The following SPOCK1 variants were observed in gnomAD, a reference collection of about 807,000 sequenced individuals.
SPOCK1 encodes testican-1.
In SPOCK1, 23 loss-of-function variants were observed where a neutral mutation model predicts 55.3. That is an observed-to-expected ratio of 0.42 (90% CI 0.30 to 0.59). SPOCK1 has a LOEUF of 0.59. Among genes scored for constraint, SPOCK1 ranks in the 20% least tolerant of loss-of-function variants. SPOCK1 has a pLI of 0.22. For synonymous variants in SPOCK1, 226 were observed against 221.0 expected, an observed-to-expected ratio of 1.02 and a Z score of -0.20; for missense variants, 499 against 552.5, an observed-to-expected ratio of 0.90 and a Z score of 0.97.
At chr5:137,357,113 C>T (rs1246846768) in intron 2 of SPOCK1, among the ~76,000 whole-genome samples, 2 of 151,940 alleles carry the variant, frequency 1.3e-5, no homozygotes, top group African/African-American at 2.4e-5. Flanking sequence ...ATGGCTCCAT[C>T]TTCCCTATAG....
At chr5:137,066,963 T>TACAGAC (rs1554095748) in intron 6 of SPOCK1, among the ~76,000 whole-genome samples, 1 of 126,252 alleles carries the variant, frequency 7.9e-6, no homozygotes, top group Non-Finnish European at 1.6e-5. Context: ...AACATAAGCA[T>TACAGAC]ACACACACAC....
intron 2 of SPOCK1, among the ~76,000 whole-genome samples, chr5:137,410,504 G>A (rs1243844666): frequency 6.6e-6 from 1 of 152,210 alleles, no homozygotes; most frequent in Non-Finnish European, 1.5e-5. Context: ...TTGGCTGCAT[G>A]GATCACGGCT....
At chr5:137,269,431 C>T (rs956682074) in intron 2 of SPOCK1, among the ~76,000 whole-genome samples, 9 of 152,192 alleles carry the variant, frequency 5.9e-5, no homozygotes, top group African/African-American at 1.9e-4. Flanking sequence ...AACCTCACAT[C>T]AGGGGCCAAG....
At chr5:137,462,759 G>C (rs940733501) in intron 2 of SPOCK1, among the ~76,000 whole-genome samples, 1 of 152,212 alleles carries the variant, frequency 6.6e-6, no homozygotes, top group East Asian at 1.9e-4. Context: ...AAGGTTAAGA[G>C]AGTCTGCAAA....
chr5:137,408,428 C>T (rs1207624673), intron 2 of SPOCK1, among the ~76,000 whole-genome samples: 1 of 152,210 alleles, frequency 6.6e-6, no homozygotes, highest in African/African-American at 2.4e-5. Flanking sequence ...AACACCACAG[C>T]CCTTTGCTGT....
At chr5:137,340,134 C>G (rs987304414) in intron 2 of SPOCK1, among the ~76,000 whole-genome samples, 1 of 152,018 alleles carries the variant, frequency 6.6e-6, no homozygotes, top group Non-Finnish European at 1.5e-5. Flanking sequence ...AAAAGGTAGA[C>G]AGTTAGGGGC....
intron 2 of SPOCK1, among the ~76,000 whole-genome samples, chr5:137,281,414 T>C (rs1757163585): frequency 6.6e-6 from 1 of 152,260 alleles, no homozygotes; most frequent in South Asian, 2.1e-4. Flanking sequence ...TCCAGGCAGC[T>C]GAATGGAACC....
chr5:137,083,333 A>G (rs1185875243), intron 5 of SPOCK1, among the ~76,000 whole-genome samples: 1 of 152,190 alleles, frequency 6.6e-6, no homozygotes, highest in East Asian at 1.9e-4. Context: ...GAGTGGCGGA[A>G]GCAGAGGCTC....
chr5:137,482,140 G>A (rs1054527199), intron 2 of SPOCK1, among the ~76,000 whole-genome samples: 2 of 152,186 alleles, frequency 1.3e-5, no homozygotes, highest in Non-Finnish European at 2.9e-5. Context: ...GGGAGGGAAG[G>A]GGAAACTGCA....
chr5:137,330,541 T>C (rs1274568191), intron 2 of SPOCK1, among the ~76,000 whole-genome samples: 2 of 152,268 alleles, frequency 1.3e-5, no homozygotes, highest in Non-Finnish European at 2.9e-5. Context: ...TGAATGTGAA[T>C]GCAAGGCTGA....
intron 2 of SPOCK1, among the ~76,000 whole-genome samples, chr5:137,322,113 G>A (rs1406774842): frequency 6.6e-6 from 1 of 151,884 alleles, no homozygotes; most frequent in East Asian, 1.9e-4. Flanking sequence ...GAGGCAGGCA[G>A]TGAACCCAGG....
intron 6 of SPOCK1, among the ~76,000 whole-genome samples, chr5:136,994,181 G>A (rs778340186): frequency 4.6e-5 from 7 of 152,138 alleles, no homozygotes; most frequent in Non-Finnish European, 8.8e-5. Context: ...TGCAAAGCAT[G>A]GAATGAATGC....
intron 2 of SPOCK1, among the ~76,000 whole-genome samples, chr5:137,267,378 T>A (rs1396512286): frequency 2.0e-5 from 3 of 152,244 alleles, no homozygotes; most frequent in Non-Finnish European, 4.4e-5. Context: ...TCAATTATAC[T>A]GTAGGTGATG....
intron 4 of SPOCK1, among the ~76,000 whole-genome samples, chr5:137,119,295 C>T (rs758458336): frequency 1.3e-5 from 2 of 152,164 alleles, no homozygotes; most frequent in African/African-American, 2.4e-5. Context: ...GCTTCTAAAG[C>T]AGATAGTTAA....
At chr5:137,091,301 A>G (rs1753051663) in intron 5 of SPOCK1, among the ~76,000 whole-genome samples, 1 of 152,250 alleles carries the variant, frequency 6.6e-6, no homozygotes, top group South Asian at 2.1e-4. Context: ...CTGTGAATAT[A>G]AAGTAAAGGC....
In SPOCK1 at chr5:137,224,465, TA is replaced by T. The variant is rs540172702; in HGVS notation, c.232+42544del. On this transcript the variant is annotated intron_variant, in intron 3 of 10. Coordinates refer to ENST00000394945, the MANE Select transcript of SPOCK1 (RefSeq NM_004598.4). ...GAGAAAACAGCCAAACAGAAATCCT[TA>T]AAGAATGTTAGCTGGGAAAGGAAAC... Among the ~76,000 whole-genome samples, 300 of 152,252 alleles carry T rather than the reference TA, an allele frequency of 2.0e-3. 1 individual carries two copies. Among genetic ancestry groups the T allele is most frequent in the African/African-American group, 6.8e-3 (283 of 41,558 alleles).
chr5:137,380,729 T>G (rs1919511), intron 2 of SPOCK1, among the ~76,000 whole-genome samples: 1 of 151,888 alleles, frequency 6.6e-6, no homozygotes, highest in Non-Finnish European at 1.5e-5. Context: ...CCCTACAATC[T>G]GATCACCTCC....
intron 2 of SPOCK1, among the ~76,000 whole-genome samples, chr5:137,452,694 G>A (rs571737232): frequency 6.6e-6 from 1 of 152,294 alleles, no homozygotes; most frequent in African/African-American, 2.4e-5. Flanking sequence ...AATGGTACTT[G>A]TATTTTTATT....
At chr5:137,223,938 T>C (rs1489721834) in intron 3 of SPOCK1, among the ~76,000 whole-genome samples, 1 of 152,236 alleles carries the variant, frequency 6.6e-6, no homozygotes, top group Admixed American at 6.5e-5. Context: ...TGCACGCACC[T>C]ACTAAATAAT....
Sources: gnomAD v4.1 joint callset for allele counts (sites outside exome capture counted in the v4.1 genomes callset) on GRCh38, gnomAD v4.1.1 for gene constraint, MANE v1.5 for transcripts, NCBI Gene and HGNC (gene_info 2026-07-23, HGNC 2026-07-21) for gene names.